GABRG3: variants seen among roughly 807,000 people sequenced by gnomAD.
GABRG3 encodes the protein gamma-aminobutyric acid receptor subunit gamma-3.
In GABRG3, 25 loss-of-function variants were observed where a neutral mutation model predicts 48.8. That is an observed-to-expected ratio of 0.51 (90% confidence interval 0.37 to 0.72). The LOEUF (loss-of-function observed/expected upper bound fraction) is 0.72, where lower values mean the gene tolerates loss of function less well. GABRG3 is among the 30% of genes least tolerant of loss of function. GABRG3 has a pLI of 0.00. For missense variants in GABRG3, 394 were observed against 577.9 expected (o/e 0.68, Z 3.26); for synonymous variants, 227 against 217.6 (o/e 1.04, Z -0.38).
Position 27,220,844 on chromosome 15 carries a change from G to A in GABRG3, c.271-105965G>A, listed in dbSNP as rs1163912411. The stretch of plus-strand genomic sequence containing the variant: ...TTTCCATGCCGAGGGTGGGGTGGCA[G>A]GGCCCTAAGGGGGATCTCTGCCCTG... On this transcript the variant is annotated intron_variant, in intron 3 of 9. Transcript: ENST00000615808. Among the ~76,000 whole-genome samples, 3 of 152,092 alleles carry A rather than the reference G, an allele frequency of 2.0e-5. No individual in the cohort carries two copies. The East Asian group carries it at 5.8e-4, about 29-fold the overall frequency.
chr15:27,524,920 C>G (rs1891238254), intron 7 of GABRG3, among the ~76,000 whole-genome samples: 1 of 151,904 alleles, frequency 6.6e-6, no homozygotes, highest in Non-Finnish European at 1.5e-5. Flanking sequence ...CAGAAATTAG[C>G]AGAGAGGATT....
intron 3 of GABRG3, among the ~76,000 whole-genome samples, chr15:27,036,737 G>A (rs1566916060): frequency 6.6e-6 from 1 of 152,094 alleles, no homozygotes; most frequent in Non-Finnish European, 1.5e-5. Context: ...TATGTGAGGG[G>A]TTGAAAGGCC....
intron 5 of GABRG3, among the ~76,000 whole-genome samples, chr15:27,456,574 T>C (rs1198051933): frequency 6.6e-6 from 1 of 152,158 alleles, no homozygotes; most frequent in Non-Finnish European, 1.5e-5. Context: ...GGGTCGAGAA[T>C]GCAGAGGTTC....
At chr15:27,002,946 C>T (rs1387156415) in intron 2 of GABRG3, among the ~76,000 whole-genome samples, 1 of 151,576 alleles carries the variant, frequency 6.6e-6, no homozygotes, top group African/African-American at 2.4e-5. Flanking sequence ...GCCTGGGTAA[C>T]AGAATGAGAC....
intron 5 of GABRG3, among the ~76,000 whole-genome samples, chr15:27,402,765 G>A (rs575299236): frequency 6.6e-6 from 1 of 152,298 alleles, no homozygotes; most frequent in East Asian, 1.9e-4. Flanking sequence ...AATAGAAAAT[G>A]CACAGGCAGA....
At chr15:27,192,258 C>CTGAACGT (rs1175977670) in intron 3 of GABRG3, among the ~76,000 whole-genome samples, 1 of 152,080 alleles carries the variant, frequency 6.6e-6, no homozygotes, top group African/African-American at 2.4e-5. Flanking sequence ...TTTCCTGAAT[C>CTGAACGT]TGAACGTTGG....
rs956845228 is a variant in GABRG3, at chr15:27,503,994, CCTTTGATTAT to C, written c.713-15977_713-15968del. On this transcript the variant is annotated intron_variant, in intron 6 of 9. Coordinates refer to ENST00000615808, the MANE Select transcript of GABRG3 (RefSeq NM_033223.5). ...CAGATTAATATAGGCTCTTGAGCTTCCTTTGATTATTATTACCACAGTAAAACTTTTATTT... is the reference window on the plus strand; with the variant it reads ...CAGATTAATATAGGCTCTTGAGCTTCTATTACCACAGTAAAACTTTTATTT... 1.6e-4 allele frequency among the ~76,000 whole-genome samples: 25 copies of C among 152,140 alleles called. No homozygotes were observed. The East Asian group carries it at 3.1e-3, about 19-fold the overall frequency.
rs1050979372 is a variant in GABRG3 at position 27,500,952 on chromosome 15, G to T, written c.713-19020G>T. ...CTGAGAAAAATAGGAAGTAACGTAT[G>T]TTTTTTTTTTTTTTTTTTGAGACGG... On this transcript the variant is annotated intron_variant, in intron 6 of 9. Coordinates refer to ENST00000615808, the MANE Select transcript of GABRG3 (RefSeq NM_033223.5). Among the ~76,000 whole-genome samples, 552 of 122,138 alleles carry T rather than the reference G, an allele frequency of 4.5e-3. 4 individuals are homozygous for T. The highest frequency in any genetic ancestry group is 0.016 in the African/African-American group (498 of 31,128). The allele number at this position is 122,138 out of a possible 152,430, so 80.1% of individuals were successfully genotyped here. A position where few individuals can be genotyped will look rare whatever the true frequency, so the allele number is the denominator to read the frequency against.
chr15:27,157,867 CCCTTG>C (rs1199243517), intron 3 of GABRG3: 1 of 152,208 alleles, frequency 6.6e-6, no homozygotes, highest in Non-Finnish European at 1.5e-5. Flanking sequence ...TCATGGAGGT[CCCTTG>C]CTGAATATAA....
intron 7 of GABRG3, among the ~76,000 whole-genome samples, chr15:27,525,151 T>C (rs1279207629): frequency 2.0e-5 from 3 of 151,352 alleles, no homozygotes; most frequent in African/African-American, 4.9e-5. Flanking sequence ...AGCAGCAGTT[T>C]AAATGTGTCA....
intron 5 of GABRG3, among the ~76,000 whole-genome samples, chr15:27,468,337 G>A (rs185608410): frequency 5.4e-4 from 82 of 152,140 alleles, no homozygotes; most frequent in African/African-American, 1.6e-3. Context: ...CTGGAAAAAC[G>A]TGGAGACTTC....
At chr15:27,478,048 CAAAA>C (rs71132811) in intron 5 of GABRG3, among the ~76,000 whole-genome samples, 6 of 91,984 alleles carry the variant, frequency 6.5e-5, no homozygotes, top group Admixed American at 2.5e-4. Flanking sequence ...CTCCATGTCA[CAAAA>C]AAAAAAAAAA....
At chr15:27,470,122 A>C (rs962438283) in intron 5 of GABRG3, among the ~76,000 whole-genome samples, 23 of 152,152 alleles carry the variant, frequency 1.5e-4, no homozygotes, top group African/African-American at 5.6e-4. Context: ...AAAATGCTTA[A>C]TTCTTTCCCT....
intron 2 of GABRG3, among the ~76,000 whole-genome samples, chr15:27,001,640 C>T (rs1895449277): frequency 6.6e-6 from 1 of 152,180 alleles, no homozygotes; most frequent in South Asian, 2.1e-4. Flanking sequence ...TGTCACAGGG[C>T]AGGGATGTGC....
chr15:27,192,209 T>G (rs2140423349), intron 3 of GABRG3, among the ~76,000 whole-genome samples: 1 of 152,206 alleles, frequency 6.6e-6, no homozygotes, highest in East Asian at 1.9e-4. Flanking sequence ...TGTCTTGGAG[T>G]TGCTCTTCTC....
At chr15:27,140,013 G>A (rs1412768132) in intron 3 of GABRG3, among the ~76,000 whole-genome samples, 2 of 152,210 alleles carry the variant, frequency 1.3e-5, no homozygotes, top group African/African-American at 2.4e-5. Flanking sequence ...GGGCCCCGGA[G>A]GCAGGTGCCA....
At chr15:27,520,628 T>C (rs1891135605) in intron 7 of GABRG3, among the ~76,000 whole-genome samples, 1 of 42,676 alleles carries the variant, frequency 2.3e-5, no homozygotes. Context: ...TGAATTTTTC[T>C]CTGGTTCCCA....
intron 3 of GABRG3, among the ~76,000 whole-genome samples, chr15:27,289,788 T>G (rs879604974): frequency 1.3e-5 from 2 of 152,152 alleles, no homozygotes; most frequent in Admixed American, 1.3e-4. Context: ...GTTGGAGACA[T>G]CAGTATGAGC....
At chr15:27,501,825 A>T (rs1890647956) in intron 6 of GABRG3, among the ~76,000 whole-genome samples, 1 of 152,036 alleles carries the variant, frequency 6.6e-6, no homozygotes, top group African/African-American at 2.4e-5. Context: ...TTTCAGGTAC[A>T]CCTCTGGTTT....
Sources: allele counts gnomAD v4.1 joint callset (sites outside exome capture counted in the v4.1 genomes callset), GRCh38; gene constraint gnomAD v4.1.1; transcripts MANE v1.5; gene names NCBI Gene and HGNC (gene_info 2026-07-23, HGNC 2026-07-21).